Variants in MUSK observed in about 807,000 individuals in gnomAD.
MUSK encodes muscle associated receptor tyrosine kinase.
In MUSK, 55 loss-of-function variants were observed where a neutral mutation model predicts 88.7. That is an observed-to-expected ratio of 0.62 (90% CI 0.50 to 0.78). MUSK has a LOEUF of 0.78. Among genes scored for constraint, MUSK ranks in the 30% least tolerant of loss-of-function variants. The pLI, the probability that MUSK is intolerant of heterozygous loss-of-function variation, is 0.00. For synonymous variants in MUSK, 387 were observed against 391.9 expected, an observed-to-expected ratio of 0.99 and a Z score of 0.15; for missense variants, 1,015 against 1,074.3, an observed-to-expected ratio of 0.94 and a Z score of 0.77.
chr9:110,732,624 C>T (rs575481229), intron 5 of MUSK, among the ~76,000 whole-genome samples: 2 of 151,984 alleles, frequency 1.3e-5, no homozygotes, highest in Non-Finnish European at 2.9e-5. Context: ...GTTCCTCAAC[C>T]CTTTAATTTT....
chr9:110,689,848 A>AAATATATAAATATGTAACTATATATT, intron 3 of MUSK, among the ~76,000 whole-genome samples: 1 of 73,662 alleles, frequency 1.4e-5, no homozygotes, highest in South Asian at 4.5e-4. Context: ...CTATATATTT[A>AAATATATAAATATGTAACTATATATT]TATATAACTA....
chr9:110,747,672 A>G lies in MUSK; in HGVS notation c.785A>G (p.Lys262Arg), dbSNP rs755906440. 6.2e-7 allele frequency: 1 copy of G among 1,613,796 alleles called. No homozygotes were observed. Among genetic ancestry groups the G allele is most frequent in the Non-Finnish European group, 8.5e-7 (1 of 1,179,740 alleles). Reference protein sequence around the residue: ...VSSGSIQESVKDRVIDSRLQL... With the variant: ...VSSGSIQESVRDRVIDSRLQL... ...TCTGGGTCCATTCAAGAGAGTGTGA[A>G]AGACCGAGTGATTGACTCAAGACTG... is the stretch of plus-strand genomic sequence containing the variant. Residue 262 changes from lysine to arginine, a missense_variant, in exon 7 of 15, where the codon AAA becomes AGA. Coordinates refer to ENST00000374448, the MANE Select transcript of MUSK (RefSeq NM_005592.4).
rs55980069 is a variant in MUSK, at chr9:110,695,442, T to C, written c.398T>C (p.Ile133Thr). The C allele has an allele frequency of 5.9e-3, 9,110 of 1,539,768 alleles. 38 individuals are homozygous for C. The highest frequency in any genetic ancestry group is 6.9e-3 in the Non-Finnish European group (7,804 of 1,132,234). Reference sequence around the variant, plus strand: ...CGTCCTCCCATAAATGTGAAAATAATAGAGGGATTAAAAGCAGTCCTACCA... The same window carrying C: ...CGTCCTCCCATAAATGTGAAAATAACAGAGGGATTAAAAGCAGTCCTACCA... ...ITRPPINVKI[I>T]EGLKAVLPCT... is the part of the protein sequence containing the mutation. Residue 133 changes from isoleucine to threonine, a missense_variant, in exon 4 of 15, where the codon ATA becomes ACA. Transcript: ENST00000374448.
At chr9:110,782,621 AAT>A (rs2132014863) in intron 11 of MUSK, among the ~76,000 whole-genome samples, 1 of 152,280 alleles carries the variant, frequency 6.6e-6, no homozygotes, top group African/African-American at 2.4e-5. Flanking sequence ...CAAATACAAA[AAT>A]AGTTATTTCT....
rs148407817 is a variant in MUSK at position 110,680,283 on chromosome 9, A to C, written c.80-2391A>C. Among the ~76,000 whole-genome samples the C allele has an allele frequency of 7.7e-4, 118 of 152,272 alleles. 1 individual carries two copies. The highest frequency in any genetic ancestry group is 2.5e-3 in the African/African-American group (106 of 41,572). On this transcript the variant is annotated intron_variant, in intron 1 of 14. Transcript: ENST00000374448. ...CCCAAAATTGGCATTCCTATTAAGG[A>C]ATTAAACTTTTTCTTTCTGGTAGAG...
intron 8 of MUSK, 119 bp downstream of exon 8, chr9:110,762,327 T>A (rs1317176825): frequency 1.6e-6 from 1 of 627,272 alleles, no homozygotes; most frequent in East Asian, 3.1e-5. Context: ...GTGGAGTATG[T>A]TTTGTTTTTG....
intron 9 of MUSK, chr9:110,775,197 T>G (rs1282938358): frequency 6.5e-6 from 1 of 153,616 alleles, no homozygotes; most frequent in Admixed American, 6.5e-5. Context: ...CTTTCTCAGA[T>G]GGAAGCACGC....
At chr9:110,782,249 G>C (rs1196113470) in intron 11 of MUSK, among the ~76,000 whole-genome samples, 1 of 152,164 alleles carries the variant, frequency 6.6e-6, no homozygotes, top group Non-Finnish European at 1.5e-5. Context: ...AGATAAAAAG[G>C]AAAAAGAATG....
chr9:110,788,085 G>T, intron 14 of MUSK: 1 of 456,936 alleles, frequency 2.2e-6, no homozygotes, highest in East Asian at 4.2e-5. Context: ...TTATAAAAAT[G>T]TTTAAAATGT....
intron 1 of MUSK, among the ~76,000 whole-genome samples, chr9:110,671,935 T>C (rs1278232711): frequency 2.6e-5 from 4 of 152,200 alleles, no homozygotes; most frequent in Admixed American, 2.0e-4. Context: ...TGTTTGAGCG[T>C]ACGTGATTTT....
chr9:110,764,464 T>C (rs1251069046), intron 8 of MUSK, among the ~76,000 whole-genome samples: 5 of 152,252 alleles, frequency 3.3e-5, no homozygotes, highest in African/African-American at 1.2e-4. Context: ...ATCTAGAATT[T>C]GATCACTGTG....
chr9:110,686,960 T>C (rs1222303481), intron 2 of MUSK, among the ~76,000 whole-genome samples, 157 bp from the exon 3 acceptor site: 1 of 152,218 alleles, frequency 6.6e-6, no homozygotes, highest in East Asian at 1.9e-4. Context: ...TAGCTTTATA[T>C]TATCAAGTAA....
intron 3 of MUSK, among the ~76,000 whole-genome samples, chr9:110,689,817 TTTAA>T (rs2076286678): frequency 1.0e-5 from 1 of 98,652 alleles, no homozygotes; most frequent in Non-Finnish European, 1.8e-5. Flanking sequence ...TAACTATATA[TTTAA>T]ATATATAAAT....
At chr9:110,797,162 CAAAA>C (rs34924295) in intron 14 of MUSK, among the ~76,000 whole-genome samples, 3 of 16,816 alleles carry the variant, frequency 1.8e-4, no homozygotes, top group Admixed American at 8.7e-4. Context: ...CATGAATACC[CAAAA>C]AAAAAAAAAA....
At chr9:110,677,455 A>C (rs2076046896) in intron 1 of MUSK, among the ~76,000 whole-genome samples, 1 of 152,092 alleles carries the variant, frequency 6.6e-6, no homozygotes, top group Non-Finnish European at 1.5e-5. Flanking sequence ...AACGTGTGCT[A>C]CTCTTGGGCT....
chr9:110,677,269 T>G (rs1193620957), intron 1 of MUSK, among the ~76,000 whole-genome samples: 1 of 152,216 alleles, frequency 6.6e-6, no homozygotes, highest in East Asian at 1.9e-4. Context: ...GTCTTCCCTC[T>G]CCTCTTAGTT....
chr9:110,733,028 G>A (rs1419650166), intron 5 of MUSK, among the ~76,000 whole-genome samples: 1 of 151,874 alleles, frequency 6.6e-6, no homozygotes, highest in Non-Finnish European at 1.5e-5. Context: ...TAGCACATGT[G>A]GTCTCCCATA....
intron 3 of MUSK, 74 bp downstream of exon 3, chr9:110,687,342 A>ATT: frequency 6.4e-6 from 9 of 1,407,198 alleles, no homozygotes; most frequent in Non-Finnish European, 7.7e-6. Flanking sequence ...TATTTTTTAC[A>ATT]TTTTTTTTTT....
intron 8 of MUSK, among the ~76,000 whole-genome samples, chr9:110,764,385 A>C (rs1298086528): frequency 1.3e-5 from 2 of 152,202 alleles, no homozygotes; most frequent in African/African-American, 4.8e-5. Flanking sequence ...AGCTCCTTTT[A>C]AAAATGTTTG....
Sources: gnomAD v4.1 joint callset for allele counts (sites outside exome capture counted in the v4.1 genomes callset) on GRCh38, gnomAD v4.1.1 for gene constraint, MANE v1.5 for transcripts, NCBI Gene and HGNC (gene_info 2026-07-23, HGNC 2026-07-21) for gene names.